The following LHFPL3 variants were observed in gnomAD, a reference collection of about 807,000 sequenced individuals.
LHFPL3 encodes the protein LHFPL tetraspan subfamily member 3, also known as LHFPL tetraspan subfamily member 3 protein.
LHFPL3 carries 5 observed loss-of-function variants against 19.3 expected under a neutral mutation model. The observed-to-expected ratio is 0.26, with a 90% CI of 0.14 to 0.54. LHFPL3 has a LOEUF of 0.54. Among genes scored for constraint, LHFPL3 ranks in the 20% least tolerant of loss-of-function variants. The probability of loss-of-function intolerance (pLI) is 0.94; values close to 1 mark genes in which losing one functional copy is unlikely to be tolerated. For missense variants in LHFPL3, 249 were observed against 307.4 expected (o/e 0.81, Z 1.42); for synonymous variants, 133 against 126.2 (o/e 1.05, Z -0.36).
intron 2 of LHFPL3, among the ~76,000 whole-genome samples, chr7:104,811,770 T>A (rs1327971910): frequency 2.6e-5 from 4 of 152,214 alleles, no homozygotes; most frequent in African/African-American, 9.7e-5. Context: ...TTAAAGTTCT[T>A]TCCACTTTTA....
intron 1 of LHFPL3, among the ~76,000 whole-genome samples, chr7:104,733,472 T>C (rs950212091): frequency 6.6e-6 from 1 of 152,226 alleles, no homozygotes; most frequent in African/African-American, 2.4e-5. Context: ...TTTACCATTA[T>C]GTAATGGCCT....
intron 1 of LHFPL3, among the ~76,000 whole-genome samples, chr7:104,638,697 T>C (rs1242085272): frequency 6.6e-6 from 1 of 152,148 alleles, no homozygotes; most frequent in Non-Finnish European, 1.5e-5. Flanking sequence ...CAATATTTAT[T>C]GATTTACATA....
At chr7:104,354,199 C>T (rs993381337) in intron 1 of LHFPL3, among the ~76,000 whole-genome samples, 4 of 152,232 alleles carry the variant, frequency 2.6e-5, no homozygotes, top group South Asian at 2.1e-4. Context: ...GCTCCACCCA[C>T]GTGGCTGTAT....
intron 1 of LHFPL3, among the ~76,000 whole-genome samples, chr7:104,590,583 T>G (rs1429703376): frequency 6.6e-6 from 1 of 152,220 alleles, no homozygotes; most frequent in Non-Finnish European, 1.5e-5. Context: ...GAAGAATGTA[T>G]ATTCTGTTGA....
intron 1 of LHFPL3, among the ~76,000 whole-genome samples, chr7:104,708,604 A>C (rs775813643): frequency 5.9e-5 from 9 of 152,094 alleles, no homozygotes; most frequent in Non-Finnish European, 1.2e-4. Flanking sequence ...TTACATCTAC[A>C]TTTTAATATT....
chr7:104,427,604 A>G (rs1791873681), intron 1 of LHFPL3, among the ~76,000 whole-genome samples: 1 of 152,148 alleles, frequency 6.6e-6, no homozygotes, highest in African/African-American at 2.4e-5. Context: ...ACTTTCTACT[A>G]TCGGTCTTTG....
At chr7:104,553,086 T>C (rs902607779) in intron 1 of LHFPL3, among the ~76,000 whole-genome samples, 9 of 152,210 alleles carry the variant, frequency 5.9e-5, no homozygotes, top group African/African-American at 2.2e-4. Flanking sequence ...TTATTATGTT[T>C]CTTTGTTGTA....
intron 1 of LHFPL3, among the ~76,000 whole-genome samples, chr7:104,450,807 A>G (rs1792421702): frequency 6.6e-6 from 1 of 152,232 alleles, no homozygotes. Context: ...ATAAAAATGG[A>G]AAAGAAAAAA....
intron 1 of LHFPL3, among the ~76,000 whole-genome samples, chr7:104,508,629 TAC>T (rs1793748476): frequency 7.0e-6 from 1 of 142,854 alleles, no homozygotes; most frequent in Non-Finnish European, 1.6e-5. Context: ...TATATATATA[TAC>T]ACATTAGGAA....
At chr7:104,834,016 T>C (rs4351347) in intron 2 of LHFPL3, among the ~76,000 whole-genome samples, 13,132 of 148,912 alleles carry the variant, frequency 0.088, 1,343 homozygotes, top group East Asian at 0.43. Flanking sequence ...TAGAGTCCGA[T>C]GTTTGAGGGC....
chr7:104,799,138 G>C (rs529853923), intron 2 of LHFPL3, among the ~76,000 whole-genome samples: 1 of 152,318 alleles, frequency 6.6e-6, no homozygotes, highest in South Asian at 2.1e-4. Context: ...GTGACAAGAT[G>C]TTCAATTTTC....
chr7:104,634,044 T>G (rs1012602903), intron 1 of LHFPL3, among the ~76,000 whole-genome samples: 3 of 152,224 alleles, frequency 2.0e-5, no homozygotes, highest in Admixed American at 2.0e-4. Flanking sequence ...ATGATTATTA[T>G]CCACTATTAT....
chr7:104,605,297 C>T (rs935568430), intron 1 of LHFPL3, among the ~76,000 whole-genome samples: 1 of 152,018 alleles, frequency 6.6e-6, no homozygotes, highest in African/African-American at 2.4e-5. Context: ...AAAGAATTAC[C>T]TTCTTACTAA....
chr7:104,647,909 G>A (rs1791959963), intron 1 of LHFPL3, among the ~76,000 whole-genome samples: 2 of 152,100 alleles, frequency 1.3e-5, no homozygotes, highest in Non-Finnish European at 1.5e-5. Flanking sequence ...CAACCACCAG[G>A]GTCTACTGGA....
chr7:104,344,806 ATGGTAGATCTACTTTATGAT>A (rs1343786937), intron 1 of LHFPL3, among the ~76,000 whole-genome samples: 1 of 152,218 alleles, frequency 6.6e-6, no homozygotes, highest in African/African-American at 2.4e-5. Flanking sequence ...GCTGGATCAA[ATGGTAGATCTACTTTATGAT>A]TTTTTGAAGT....
chr7:104,357,158 G>A (rs1465197), intron 1 of LHFPL3, among the ~76,000 whole-genome samples: 96,981 of 152,080 alleles, frequency 0.64, 31,811 homozygotes, highest in East Asian at 0.87. Flanking sequence ...AAGTGATGTT[G>A]TGCACACAGA....
At chr7:104,769,224 T>C (rs370843179) in intron 2 of LHFPL3, among the ~76,000 whole-genome samples, 9 of 152,228 alleles carry the variant, frequency 5.9e-5, no homozygotes, top group African/African-American at 1.9e-4. Context: ...CAGCTGTTCT[T>C]ACTGTCATTA....
At chr7:104,755,139 C>T (rs944147797) in intron 2 of LHFPL3, among the ~76,000 whole-genome samples, 4 of 152,082 alleles carry the variant, frequency 2.6e-5, no homozygotes, top group Admixed American at 6.6e-5. Flanking sequence ...GGTGGCTTTG[C>T]CCCACATGTC....
At chr7:104,416,081 A>G (rs1342613756) in intron 1 of LHFPL3, among the ~76,000 whole-genome samples, 1 of 152,242 alleles carries the variant, frequency 6.6e-6, no homozygotes, top group Non-Finnish European at 1.5e-5. Context: ...AGGTTAAGAT[A>G]AGTTTACACT....
Sources: gnomAD v4.1 joint callset for allele counts (sites outside exome capture counted in the v4.1 genomes callset) on GRCh38, gnomAD v4.1.1 for gene constraint, MANE v1.5 for transcripts, NCBI Gene and HGNC (gene_info 2026-07-23, HGNC 2026-07-21) for gene names.